Variants in SLC12A3 observed in about 807,000 individuals in gnomAD.
The protein encoded by SLC12A3 is solute carrier family 12 member 3.
Under a neutral mutation model 121.0 loss-of-function variants are expected in SLC12A3, and 104 were observed. The ratio of observed to expected loss-of-function variants is 0.86; its 90% CI spans 0.73 to 1.01. SLC12A3 has a LOEUF of 1.01. Among genes scored for constraint, SLC12A3 ranks in the 50% least tolerant of loss-of-function variants. The pLI, the probability that SLC12A3 is intolerant of heterozygous loss-of-function variation, is 0.00. For synonymous variants in SLC12A3, 536 were observed against 533.4 expected (o/e 1.00, Z -0.07); for missense variants, 1,328 against 1,356.3 (o/e 0.98, Z 0.33).
In SLC12A3 at chr16:56,907,706, G is replaced by A. The variant is rs138923486; in HGVS notation, c.2924+3244G>A. Among the ~76,000 whole-genome samples the A allele has an allele frequency of 3.3e-5, 5 of 152,244 alleles. No homozygotes were observed. In the East Asian group the frequency reaches 9.6e-4, roughly 29 times the overall value. ...TCCTCACTTGGCGGAGGGAGCCAGG[G>A]AGCTCTCTGGGGCCTCTTTATAAGA... On this transcript the variant is annotated intron_variant, in intron 25 of 25. Coordinates refer to ENST00000563236, the MANE Select transcript of SLC12A3 (RefSeq NM_001126108.2).
chr16:56,869,945 C>T (rs2055069228), intron 4 of SLC12A3, 121 bp downstream of exon 4: 7 of 1,366,606 alleles, frequency 5.1e-6, no homozygotes, highest in Admixed American at 5.1e-5. Flanking sequence ...CGGGAGAGGG[C>T]TCTAGGCAGG....
At chr16:56,911,964 T>A (rs1343538504) in intron 25 of SLC12A3, among the ~76,000 whole-genome samples, 3 of 152,274 alleles carry the variant, frequency 2.0e-5, no homozygotes, top group Admixed American at 6.5e-5. Context: ...TTTTGTGTTC[T>A]TGCTTTAGGG....
At chr16:56,906,020 T>C (rs1426127705) in intron 25 of SLC12A3, among the ~76,000 whole-genome samples, 1 of 152,052 alleles carries the variant, frequency 6.6e-6, no homozygotes, top group Non-Finnish European at 1.5e-5. Context: ...TCTAGGAAGA[T>C]GTGCTCAGAT....
Position 56,894,568 on chromosome 16 carries a change from G to A in SLC12A3, c.2559G>A (p.Lys853=), listed in dbSNP as rs141144873. The change falls in exon 22 of 26, where the codon AAG becomes AAA. Residue 853 remains lysine (K), a synonymous_variant. Transcript: ENST00000563236. ...TLLIPYLLGR[K]RRWSKCKIRV... ...TCATTCCCTATCTCCTTGGCCGCAA[G>A]AGGAGGTGGAGCAAATGCAAGATCC... The A allele has an allele frequency of 6.1e-5, 98 of 1,614,140 alleles. No individual in the cohort carries two copies. In the African/African-American group the frequency reaches 1.2e-3, roughly 19 times the overall value.
chr16:56,899,437 C>G, intron 22 of SLC12A3, 93 bp from the exon 23 acceptor site: 1 of 943,188 alleles, frequency 1.1e-6, no homozygotes, highest in Non-Finnish European at 1.7e-6. Flanking sequence ...TGCAGTGAAT[C>G]GAGATTGCAC....
At chr16:56,887,858 C>G in intron 17 of SLC12A3, 67 bp from the exon 18 acceptor site, 2 of 1,003,556 alleles carry the variant, frequency 2.0e-6, no homozygotes, top group African/African-American at 1.8e-5. Flanking sequence ...AGTTGGGGCT[C>G]TGGCCAGGTG....
intron 18 of SLC12A3, among the ~76,000 whole-genome samples, chr16:56,888,809 C>T (rs917622853): frequency 2.2e-4 from 34 of 152,236 alleles, no homozygotes; most frequent in Middle Eastern, 6.8e-3. Flanking sequence ...CCGCCCACCT[C>T]GGCCTCCCAA....
At chr16:56,876,576 A>C (rs1225661284) in intron 8 of SLC12A3, among the ~76,000 whole-genome samples, 1 of 152,294 alleles carries the variant, frequency 6.6e-6, no homozygotes, top group Non-Finnish European at 1.5e-5. Flanking sequence ...CACAGAGGGC[A>C]CTTGGCCAAG....
chr16:56,911,360 C>G (rs2055683069), intron 25 of SLC12A3, among the ~76,000 whole-genome samples: 2 of 152,174 alleles, frequency 1.3e-5, no homozygotes, highest in Admixed American at 6.5e-5. Flanking sequence ...GAGTCTCACT[C>G]TGTTGCCCAG....
At chr16:56,913,188 GA>G in intron 25 of SLC12A3, 75 bp from the exon 26 acceptor site, 1 of 1,603,266 alleles carries the variant, frequency 6.2e-7, no homozygotes, top group Non-Finnish European at 8.5e-7. Context: ...TCGCTGTTCT[GA>G]AAACAAACTG....
At chr16:56,891,481 C>T (rs2055388354) in intron 19 of SLC12A3, among the ~76,000 whole-genome samples, 1 of 151,840 alleles carries the variant, frequency 6.6e-6, no homozygotes, top group Admixed American at 6.6e-5. Flanking sequence ...GAGTCCGCGT[C>T]TCTTGCAGCC....
At chr16:56,865,991 C>CTTTTT (rs5817079) in intron 1 of SLC12A3, among the ~76,000 whole-genome samples, 1 of 140,030 alleles carries the variant, frequency 7.1e-6, no homozygotes, top group African/African-American at 2.7e-5. Flanking sequence ...CTTTTCTTTT[C>CTTTTT]TTTTTTTTTT....
At chr16:56,894,388 G>C in intron 21 of SLC12A3, 143 bp from the exon 22 acceptor site, 1 of 694,042 alleles carries the variant, frequency 1.4e-6, no homozygotes, top group Non-Finnish European at 2.7e-6. Flanking sequence ...AATTCAGTCA[G>C]CCATGTTCAT....
At chr16:56,877,265 A>G (rs1273637667) in intron 8 of SLC12A3, among the ~76,000 whole-genome samples, 1 of 152,008 alleles carries the variant, frequency 6.6e-6, no homozygotes. Flanking sequence ...TAGTGGTGGT[A>G]CATGCCTGTA....
chr16:56,879,467 G>A lies in SLC12A3; in HGVS notation c.1336-75G>A, dbSNP rs1417750946. 8 of 1,289,010 alleles carry A rather than the reference G, an allele frequency of 6.2e-6. No individual in the cohort carries two copies. The East Asian group carries it at 1.6e-4, about 26-fold the overall frequency. The allele number at this position is 1,289,010 out of a possible 1,614,324, so 79.8% of individuals were successfully genotyped here. A position where few individuals can be genotyped will look rare whatever the true frequency, so the allele number is the denominator to read the frequency against. The stretch of plus-strand genomic sequence containing the variant: ...CAGGACCCAGCCCCTGCCCGCAGTA[G>A]GGAATGAAGTGCCACAGATGGGGGC... On this transcript the variant is annotated intron_variant, in intron 10 of 25. Transcript: ENST00000563236.
intron 21 of SLC12A3, among the ~76,000 whole-genome samples, chr16:56,893,971 TTTTATTTATTTATTTA>T (rs56844793): frequency 0.11 from 12,331 of 116,702 alleles, 1,428 homozygotes; most frequent in African/African-American, 0.33. Flanking sequence ...TTTATTTTTA[TTTTATTTATTTATTTA>T]TTTATTTATT....
At chr16:56,898,318 G>T (rs1191039816) in intron 22 of SLC12A3, among the ~76,000 whole-genome samples, 2 of 152,086 alleles carry the variant, frequency 1.3e-5, no homozygotes, top group African/African-American at 2.4e-5. Flanking sequence ...ACCCAGTCTG[G>T]AGTGCAGTCG....
intron 8 of SLC12A3, among the ~76,000 whole-genome samples, chr16:56,876,446 CG>C (rs2055165101): frequency 6.6e-6 from 1 of 152,172 alleles, no homozygotes; most frequent in Non-Finnish European, 1.5e-5. Flanking sequence ...ACAGGTTTGC[CG>C]GGCAGGGCTG....
intron 8 of SLC12A3, among the ~76,000 whole-genome samples, chr16:56,874,083 C>T (rs969357470): frequency 1.3e-5 from 2 of 152,212 alleles, no homozygotes; most frequent in Non-Finnish European, 2.9e-5. Flanking sequence ...GGTTCCCCAG[C>T]ATAATGATGT....
Sources: allele counts gnomAD v4.1 joint callset (sites outside exome capture counted in the v4.1 genomes callset), GRCh38; gene constraint gnomAD v4.1.1; transcripts MANE v1.5; gene names NCBI Gene and HGNC (gene_info 2026-07-23, HGNC 2026-07-21).